The following STIM1 variants were observed in gnomAD, a reference collection of about 807,000 sequenced individuals.
STIM1 encodes stromal interaction molecule 1.
In STIM1, 25 loss-of-function variants were observed where a neutral mutation model predicts 74.7. That is an observed-to-expected ratio of 0.33 (90% confidence interval 0.24 to 0.47). The LOEUF is 0.47. Ranked by LOEUF, STIM1 falls within the 20% of genes least tolerant of loss-of-function variation. The pLI, the probability that STIM1 is intolerant of heterozygous loss-of-function variation, is 1.00. For missense variants in STIM1, 728 were observed against 920.8 expected, an observed-to-expected ratio of 0.79 and a Z score of 2.71; for synonymous variants, 328 against 348.8, an observed-to-expected ratio of 0.94 and a Z score of 0.66.
intron 1 of STIM1, among the ~76,000 whole-genome samples, chr11:3,941,824 C>T (rs184690778): frequency 2.4e-4 from 36 of 151,856 alleles, no homozygotes; most frequent in African/African-American, 8.5e-4. Flanking sequence ...GTACCTGGGA[C>T]TACAGGTATG....
chr11:4,019,327 T>C (rs2093933633), intron 2 of STIM1, among the ~76,000 whole-genome samples: 1 of 152,060 alleles, frequency 6.6e-6, no homozygotes, highest in Non-Finnish European at 1.5e-5. Flanking sequence ...TAAATTATAT[T>C]TTATTTAAAA....
At chr11:4,032,775 T>C (rs1297175351) in intron 3 of STIM1, among the ~76,000 whole-genome samples, 1 of 152,268 alleles carries the variant, frequency 6.6e-6, no homozygotes, top group African/African-American at 2.4e-5. Flanking sequence ...TTTTTTATGC[T>C]GTTGTATATG....
At chr11:3,977,060 G>T (rs1298469476) in intron 2 of STIM1, among the ~76,000 whole-genome samples, 2 of 151,244 alleles carry the variant, frequency 1.3e-5, no homozygotes, top group African/African-American at 4.9e-5. Context: ...CTCCGAAAGT[G>T]CTGGGATTAC....
chr11:3,917,435 G>GTTTTTTTTTTTTTTTTTT (rs558911615), intron 1 of STIM1, among the ~76,000 whole-genome samples: 1 of 133,324 alleles, frequency 7.5e-6, no homozygotes. Context: ...CAGGGTTTCT[G>GTTTTTTTTTTTTTTTTTT]TTTTTTTTTT....
chr11:3,971,543 C>CA (rs772733011), intron 2 of STIM1, among the ~76,000 whole-genome samples: 2 of 148,120 alleles, frequency 1.4e-5, no homozygotes, highest in Middle Eastern at 3.4e-3. Flanking sequence ...ACAAAAAAAA[C>CA]AAAAAAACAA....
At position 4,048,780 on chromosome 11, in the gene STIM1, C is replaced by T. The variant is rs1161527193; in HGVS notation, c.386-6746C>T. Among the ~76,000 whole-genome samples, 6 of 152,004 alleles carry T rather than the reference C, an allele frequency of 3.9e-5. No individual in the cohort carries two copies. The South Asian group carries it at 1.2e-3, about 32-fold the overall frequency. ...ACAGAGTCTCGCTCTGTCGCCCAGG[C>T]TGGAGTGCAGTGGCACGATCTCAGC... On this transcript the variant is annotated intron_variant, in intron 3 of 12. Transcript: ENST00000526596.
intron 1 of STIM1, chr11:3,892,703 C>T (rs565515933): frequency 3.7e-6 from 6 of 1,613,038 alleles, no homozygotes; most frequent in Non-Finnish European, 5.1e-6. Flanking sequence ...ACCACCCTGA[C>T]ACATAAACCC....
chr11:4,045,126 C>T (rs1015036916), intron 3 of STIM1, among the ~76,000 whole-genome samples: 5 of 152,058 alleles, frequency 3.3e-5, no homozygotes, highest in Non-Finnish European at 7.3e-5. Flanking sequence ...TCAAGGCATC[C>T]TCCCAGTAGA....
At position 3,856,267 on chromosome 11, in the gene STIM1, A is replaced by G; in HGVS notation, c.-4A>G. 6.2e-7 allele frequency: 1 copy of G among 1,614,026 alleles called. No homozygotes were observed. ...CAGACGCATGTTGACTGAGACCTAG[A>G]GTCATGGATGTATGCGTCCGTCTTG... On this transcript the variant is annotated 5_prime_UTR_variant, in exon 1 of 13. Transcript: ENST00000526596.
intron 1 of STIM1, among the ~76,000 whole-genome samples, chr11:3,932,865 G>T (rs1053647913): frequency 6.6e-5 from 10 of 152,152 alleles, no homozygotes; most frequent in Admixed American, 1.3e-4. Flanking sequence ...TGTTTAAGCT[G>T]CCCTGTCTAT....
intron 1 of STIM1, among the ~76,000 whole-genome samples, chr11:3,866,676 C>T (rs1159619557): frequency 2.0e-5 from 3 of 151,988 alleles, no homozygotes; most frequent in Admixed American, 1.3e-4. Context: ...CCGCCTGCCT[C>T]GGCCTCTCAA....
rs114251823 is a variant in STIM1 at position 3,897,478 on chromosome 11, A to C, written c.139+41069A>C. On this transcript the variant is annotated intron_variant, in intron 1 of 12. Transcript: ENST00000526596. ...TAGCAGTACCTTTATATATTTGTACAGTGCTTTTTGTTTGTTTGTTTGTTT... is the reference window on the plus strand; with the variant it reads ...TAGCAGTACCTTTATATATTTGTACCGTGCTTTTTGTTTGTTTGTTTGTTT... 7.8e-3 allele frequency among the ~76,000 whole-genome samples: 1,185 copies of C among 151,956 alleles called. 10 individuals carry two copies. The highest frequency in any genetic ancestry group is 0.027 in the African/African-American group (1,116 of 41,462).
At chr11:4,074,444 C>T in intron 6 of STIM1, 58 bp from the exon 7 acceptor site, 1 of 1,596,568 alleles carries the variant, frequency 6.3e-7, no homozygotes, top group Non-Finnish European at 8.6e-7. Context: ...TGACTCATGG[C>T]ATGTTGGCTG....
intron 1 of STIM1, among the ~76,000 whole-genome samples, chr11:3,893,665 T>TC (rs924555168): frequency 3.3e-5 from 5 of 152,060 alleles, no homozygotes; most frequent in Non-Finnish European, 7.4e-5. Context: ...TTTTTTTTTT[T>TC]TGAGACAGAG....
At chr11:3,941,072 A>G (rs1220086385) in intron 1 of STIM1, among the ~76,000 whole-genome samples, 2 of 152,184 alleles carry the variant, frequency 1.3e-5, no homozygotes, top group African/African-American at 2.4e-5. Flanking sequence ...TGTTGTGAGG[A>G]TGAATGAGGT....
chr11:3,859,864 A>G (rs929605535), intron 1 of STIM1, among the ~76,000 whole-genome samples: 4 of 152,222 alleles, frequency 2.6e-5, no homozygotes, highest in Non-Finnish European at 5.9e-5. Flanking sequence ...TAGCCAGGAT[A>G]TAATCTGCTC....
intron 2 of STIM1, among the ~76,000 whole-genome samples, chr11:4,000,851 G>A (rs1033575058): frequency 8.6e-5 from 13 of 151,970 alleles, no homozygotes; most frequent in Non-Finnish European, 1.8e-4. Flanking sequence ...AAATTTAGAC[G>A]AATGTATAAC....
chr11:4,068,582 G>A lies in STIM1; in HGVS notation c.614-1444G>A, dbSNP rs540171745. On this transcript the variant is annotated intron_variant, in intron 5 of 12. Coordinates refer to ENST00000526596, the MANE Select transcript of STIM1 (RefSeq NM_001382567.1). Reference sequence around the variant, plus strand: ...GAAAGACAGGAGAGTGATGGCTTACGTATGGCTAGACTTGTAGCCTGCCTG... The same window carrying A: ...GAAAGACAGGAGAGTGATGGCTTACATATGGCTAGACTTGTAGCCTGCCTG... 7.2e-5 allele frequency among the ~76,000 whole-genome samples: 11 copies of A among 152,134 alleles called. No individual in the cohort carries two copies. In the East Asian group the frequency reaches 9.7e-4, roughly 13 times the overall value.
chr11:3,900,822 C>A (rs1565107823), intron 1 of STIM1, among the ~76,000 whole-genome samples: 1 of 152,180 alleles, frequency 6.6e-6, no homozygotes, highest in East Asian at 1.9e-4. Context: ...GCAGTCTTCC[C>A]ACCTTGGCTT....
Sources: allele counts gnomAD v4.1 joint callset (sites outside exome capture counted in the v4.1 genomes callset), GRCh38; gene constraint gnomAD v4.1.1; transcripts MANE v1.5; gene names NCBI Gene and HGNC (gene_info 2026-07-23, HGNC 2026-07-21).